Variants in FLVCR2 observed in about 807,000 individuals in gnomAD.
FLVCR2 encodes the protein choline/ethanolamine transporter FLVCR2.
In FLVCR2, 38 loss-of-function variants were observed where a neutral mutation model predicts 48.9. The ratio of observed to expected loss-of-function variants is 0.78; its 90% CI spans 0.60 to 1.02. FLVCR2 has a LOEUF of 1.02. Ranked by LOEUF, FLVCR2 falls within the 50% of genes least tolerant of loss-of-function variation. The pLI is 0.00. For synonymous variants in FLVCR2, 255 were observed against 257.0 expected (o/e 0.99, Z 0.07); for missense variants, 664 against 663.3 (o/e 1.00, Z -0.01).
chr14:75,624,638 C>G lies in FLVCR2; in HGVS notation c.838C>G (p.Pro280Ala), dbSNP rs1358930421. 7 of 1,613,970 alleles carry G rather than the reference C, an allele frequency of 4.3e-6. No individual in the cohort carries two copies. The Admixed American group carries it at 5.0e-5, about 12-fold the overall frequency. Residue 280 changes from proline (P) to alanine (A), a missense_variant, in exon 3 of 10, where the codon CCC (proline) becomes GCC (alanine). By Grantham distance (27) the Pro-to-Ala change is conservative (BLOSUM62 -1). Transcript: ENST00000238667. ...IVFKEKPKYP[P>A]SRAQSLSYAL... is the part of the protein sequence containing the mutation. ...GTTCAAGGAGAAACCTAAATATCCC[C>G]CCAGCAGGGCCCAATCCCTGAGCTA... is the stretch of plus-strand genomic sequence containing the variant.
At chr14:75,600,768 TAACAGACTAAAA>T (rs1889144450) in intron 1 of FLVCR2, among the ~76,000 whole-genome samples, 1 of 152,144 alleles carries the variant, frequency 6.6e-6, no homozygotes, top group African/African-American at 2.4e-5. Context: ...AGGATGCTAT[TAACAGACTAAAA>T]AAGTCACCCA....
chr14:75,581,228 A>T (rs7160715), intron 1 of FLVCR2, among the ~76,000 whole-genome samples: 78,687 of 151,968 alleles, frequency 0.52, 23,262 homozygotes, highest in African/African-American at 0.8. Flanking sequence ...AAGGTCTGAA[A>T]AAGAGAAGGA....
chr14:75,620,818 G>A (rs1025517725), intron 1 of FLVCR2, among the ~76,000 whole-genome samples: 3 of 152,204 alleles, frequency 2.0e-5, no homozygotes, highest in African/African-American at 4.8e-5. Flanking sequence ...AAGGAAAAAC[G>A]AATCAAGGGG....
intron 1 of FLVCR2, chr14:75,605,556 C>T (rs1004404918): frequency 2.0e-6 from 3 of 1,536,030 alleles, no homozygotes; most frequent in Non-Finnish European, 1.7e-6. Flanking sequence ...ATTCAAGACG[C>T]AGCCTTGTCC....
In FLVCR2 at chr14:75,639,604, G is replaced by A. The variant is rs45438199; in HGVS notation, c.1235+142G>A. ...TATGGACATGGTGCCCAGGGGTCTC[G>A]GTAATACTTGTAGTACTTCCAAAGG... On this transcript the variant is annotated intron_variant, in intron 6 of 9. Transcript: ENST00000238667. 0.015 allele frequency: 11,091 copies of A among 717,718 alleles called. 137 individuals carry two copies. Among genetic ancestry groups the A allele is most frequent in the Middle Eastern group, 0.03 (93 of 3,126 alleles). The allele number at this position is 717,718 out of a possible 1,614,324, so 44.5% of individuals were successfully genotyped here.
intron 1 of FLVCR2, chr14:75,605,939 G>C (rs888588971): frequency 1.0e-5 from 4 of 384,962 alleles, no homozygotes; most frequent in African/African-American, 8.2e-5. Flanking sequence ...GGCTCTAGAG[G>C]TAGCTGTCTG....
At chr14:75,631,494 A>G (rs902594524) in intron 3 of FLVCR2, among the ~76,000 whole-genome samples, 4 of 152,188 alleles carry the variant, frequency 2.6e-5, no homozygotes, top group African/African-American at 9.7e-5. Flanking sequence ...CCAGGTCTTT[A>G]TCAGGACCAG....
intron 1 of FLVCR2, among the ~76,000 whole-genome samples, chr14:75,601,004 C>T (rs1328325669): frequency 6.6e-6 from 1 of 152,166 alleles, no homozygotes; most frequent in African/African-American, 2.4e-5. Context: ...AAGACACACA[C>T]ACAGAAATAT....
chr14:75,615,047 A>G (rs1055160964), intron 1 of FLVCR2, among the ~76,000 whole-genome samples: 3 of 152,168 alleles, frequency 2.0e-5, no homozygotes, highest in African/African-American at 7.2e-5. Context: ...ATGGCTAAGA[A>G]CAGTAGCTGA....
Position 75,633,696 on chromosome 14 carries a change from G to T in FLVCR2, c.1020G>T (p.Pro340=), listed in dbSNP as rs756480123. 1 of 1,610,892 alleles carries T rather than the reference G, an allele frequency of 6.2e-7. No individual in the cohort carries two copies. The highest frequency in any genetic ancestry group is 2.2e-5 in the East Asian group (1 of 44,872). ...ATCGCATGGTGATCTGGCACTACCC[G>T]GTAAGGGAGTTCCCTAAGCATGTTG... ...LLNRMVIWHY[P]GEEVNAGRIG... Residue 340 remains proline, a splice_region_variant and synonymous_variant, in exon 4 of 10, where the codon CCG becomes CCT. Transcript: ENST00000238667.
intron 1 of FLVCR2, among the ~76,000 whole-genome samples, chr14:75,621,430 A>G (rs925018983): frequency 3.3e-5 from 5 of 151,988 alleles, no homozygotes; most frequent in African/African-American, 1.2e-4. Flanking sequence ...AAAAAGAAAA[A>G]AAAAAGAAAT....
intron 9 of FLVCR2, among the ~76,000 whole-genome samples, chr14:75,645,303 T>C (rs1201244669): frequency 6.6e-6 from 1 of 152,178 alleles, no homozygotes; most frequent in African/African-American, 2.4e-5. Context: ...CCTGTGCATG[T>C]CCTCTAGGCC....
chr14:75,640,739 G>A (rs1284404670), intron 6 of FLVCR2: 2 of 596,250 alleles, frequency 3.4e-6, no homozygotes, highest in African/African-American at 3.7e-5. Context: ...GAGGCCTGCT[G>A]AGCACAAGGT....
intron 1 of FLVCR2, among the ~76,000 whole-genome samples, chr14:75,612,214 A>G (rs996242630): frequency 2.0e-5 from 3 of 152,234 alleles, no homozygotes; most frequent in African/African-American, 7.2e-5. Flanking sequence ...CGCTATTATT[A>G]TCTTCCCTAG....
At chr14:75,599,763 T>C (rs1013584899) in intron 1 of FLVCR2, among the ~76,000 whole-genome samples, 12 of 152,214 alleles carry the variant, frequency 7.9e-5, no homozygotes, top group South Asian at 4.1e-4. Flanking sequence ...GACAGGCATA[T>C]AGACCAATGA....
intron 1 of FLVCR2, among the ~76,000 whole-genome samples, chr14:75,585,766 C>T (rs753346816): frequency 2.6e-5 from 4 of 152,158 alleles, no homozygotes; most frequent in Admixed American, 6.5e-5. Context: ...AGTCCATGAC[C>T]GGTGCCGGAG....
intron 3 of FLVCR2, among the ~76,000 whole-genome samples, chr14:75,630,853 T>G (rs988309394): frequency 1.3e-5 from 2 of 152,096 alleles, no homozygotes; most frequent in African/African-American, 4.8e-5. Context: ...AAGATCACAT[T>G]TTCTCTTCCC....
At position 75,578,797 on chromosome 14, in the gene FLVCR2, G is replaced by A; in HGVS notation, c.-176G>A. ...GAGCCCCAAGCAAAAGTGGGAGCAG[G>A]AGCTTGGAGGTGAGCACAGGAAGCC... On this transcript the variant is annotated 5_prime_UTR_variant, in exon 1 of 10. Coordinates refer to ENST00000238667, the MANE Select transcript of FLVCR2 (RefSeq NM_017791.3). The A allele has an allele frequency of 1.5e-6, 1 of 651,348 alleles. No individual in the cohort carries two copies. Among genetic ancestry groups the A allele is most frequent in the South Asian group, 1.8e-5 (1 of 54,788 alleles). 40.3% of individuals were successfully genotyped at this position (651,348 alleles called of 1,614,324 possible).
At chr14:75,614,621 A>G (rs1478041424) in intron 1 of FLVCR2, among the ~76,000 whole-genome samples, 1 of 152,232 alleles carries the variant, frequency 6.6e-6, no homozygotes, top group East Asian at 1.9e-4. Context: ...ATAGGGATAC[A>G]GAAGAGAAGG....
Sources: allele counts gnomAD v4.1 joint callset (sites outside exome capture counted in the v4.1 genomes callset), GRCh38; gene constraint gnomAD v4.1.1; transcripts MANE v1.5; gene names NCBI Gene and HGNC (gene_info 2026-07-23, HGNC 2026-07-21).